Variants in CADPS2 observed in about 807,000 individuals in gnomAD.
The protein encoded by CADPS2 is calcium dependent secretion activator 2.
Under a neutral mutation model 172.5 loss-of-function variants are expected in CADPS2, and 93 were observed. That is an observed-to-expected ratio of 0.54 (90% CI 0.46 to 0.64). The LOEUF is 0.64. CADPS2 is among the 30% of genes least tolerant of loss of function. The probability of loss-of-function intolerance (pLI) is 0.00; values close to 1 mark genes in which losing one functional copy is unlikely to be tolerated. For synonymous variants in CADPS2, 546 were observed against 555.2 expected (o/e 0.98, Z 0.23); for missense variants, 1,420 against 1,565.9 (o/e 0.91, Z 1.57).
chr7:122,542,162 G>A (rs2063165393), intron 8 of CADPS2, among the ~76,000 whole-genome samples: 1 of 151,858 alleles, frequency 6.6e-6, no homozygotes, highest in South Asian at 2.1e-4. Flanking sequence ...AATTTTACAG[G>A]GGAAGAAGGG....
chr7:122,334,317 C>T (rs150636247), intron 28 of CADPS2, among the ~76,000 whole-genome samples: 3 of 152,318 alleles, frequency 2.0e-5, no homozygotes, highest in Admixed American at 6.5e-5. Flanking sequence ...CTAGCATATG[C>T]TCAGGTCTAT....
chr7:122,882,934 C>T (rs1823327441), intron 1 of CADPS2, among the ~76,000 whole-genome samples: 1 of 152,098 alleles, frequency 6.6e-6, no homozygotes, highest in Admixed American at 6.6e-5. Context: ...GGAGGTGTAG[C>T]ACCTGGAAAG....
At position 122,582,324 on chromosome 7, in the gene CADPS2, A is replaced by G. The variant is rs566786661; in HGVS notation, c.1224-1034T>C. On this transcript the variant is annotated intron_variant, in intron 6 of 29. Coordinates refer to ENST00000449022, the MANE Select transcript of CADPS2 (RefSeq NM_017954.11). ...AGCAGGTATAATAAAAATTGAACAA[A>G]TAATTGTGATTGCCTTCCTCTCCTA... is the stretch of plus-strand genomic sequence containing the variant. 2.6e-5 allele frequency among the ~76,000 whole-genome samples: 4 copies of G among 152,236 alleles called. No individual in the cohort carries two copies. The South Asian group carries it at 8.3e-4, about 32-fold the overall frequency.
At chr7:122,346,339 G>C (rs954224607) in intron 27 of CADPS2, among the ~76,000 whole-genome samples, 6 of 152,176 alleles carry the variant, frequency 3.9e-5, no homozygotes, top group Non-Finnish European at 8.8e-5. Context: ...CTGTACTCCA[G>C]CCTGGGCAAC....
At position 122,438,281 on chromosome 7, in the gene CADPS2, T is replaced by C. The variant is rs1422685924; in HGVS notation, c.2476+60A>G. The stretch of plus-strand genomic sequence containing the variant: ...AAAGGAAAGGACTTCTCATAGAAAA[T>C]TCAGTTACTAGGCATTGTTGGCTCT... On this transcript the variant is annotated intron_variant, in intron 17 of 29. Transcript: ENST00000449022. 8 of 1,601,874 alleles carry C rather than the reference T, an allele frequency of 5.0e-6. No homozygotes were observed. The South Asian group carries it at 6.6e-5, about 13-fold the overall frequency.
At chr7:122,507,069 TAAC>T (rs2059663372) in intron 9 of CADPS2, among the ~76,000 whole-genome samples, 2 of 152,000 alleles carry the variant, frequency 1.3e-5, no homozygotes, top group African/African-American at 4.8e-5. Context: ...AGTAAAGAGA[TAAC>T]AACAAAAATA....
chr7:122,325,619 A>G, intron 28 of CADPS2, 38 bp from the exon 29 acceptor site: 3 of 1,342,130 alleles, frequency 2.2e-6, no homozygotes, highest in Non-Finnish European at 3.2e-6. Flanking sequence ...AGGAGAACAA[A>G]AAAAGAAAAC....
At chr7:122,727,729 ACACT>A (rs1392440663) in intron 2 of CADPS2, among the ~76,000 whole-genome samples, 1 of 151,972 alleles carries the variant, frequency 6.6e-6, no homozygotes, top group Non-Finnish European at 1.5e-5. Flanking sequence ...TTTACAGAAC[ACACT>A]CACAGGCAGC....
intron 4 of CADPS2, among the ~76,000 whole-genome samples, chr7:122,623,447 G>A (rs984964062): frequency 3.3e-5 from 5 of 152,090 alleles, no homozygotes; most frequent in Admixed American, 6.6e-5. Flanking sequence ...GCCATCCAAT[G>A]ATCATTTGGG....
intron 1 of CADPS2, among the ~76,000 whole-genome samples, chr7:122,832,497 T>C (rs552377804): frequency 3.3e-5 from 5 of 152,320 alleles, no homozygotes; most frequent in Admixed American, 2.6e-4. Context: ...TTTGGAGATA[T>C]AAGCGCATAT....
intron 1 of CADPS2, among the ~76,000 whole-genome samples, chr7:122,840,397 T>G (rs1439279049): frequency 6.6e-6 from 1 of 151,818 alleles, no homozygotes; most frequent in Non-Finnish European, 1.5e-5. Context: ...CCTGCACGTT[T>G]TGCACATGTA....
intron 8 of CADPS2, among the ~76,000 whole-genome samples, chr7:122,548,951 A>C (rs1345733273): frequency 6.6e-6 from 1 of 152,236 alleles, no homozygotes; most frequent in Non-Finnish European, 1.5e-5. Context: ...ATAAAAATGT[A>C]AATTAAAGTC....
intron 1 of CADPS2, among the ~76,000 whole-genome samples, chr7:122,758,128 A>C (rs1348446329): frequency 2.0e-5 from 3 of 152,196 alleles, no homozygotes; most frequent in Admixed American, 1.3e-4. Context: ...TTTAGATACT[A>C]TCTTGATAAA....
chr7:122,639,510 A>C (rs1009751677), intron 3 of CADPS2, among the ~76,000 whole-genome samples: 12 of 152,270 alleles, frequency 7.9e-5, no homozygotes, highest in Middle Eastern at 3.4e-3. Context: ...ACATTTCCTC[A>C]GTTTTATGTG....
intron 14 of CADPS2, among the ~76,000 whole-genome samples, chr7:122,453,597 G>C (rs954578851): frequency 2.6e-5 from 4 of 152,140 alleles, no homozygotes; most frequent in African/African-American, 9.7e-5. Flanking sequence ...TTGATAAAAA[G>C]AGCAAATAAC....
chr7:122,781,738 G>A (rs1792789831), intron 1 of CADPS2, among the ~76,000 whole-genome samples: 1 of 151,994 alleles, frequency 6.6e-6, no homozygotes, highest in African/African-American at 2.4e-5. Flanking sequence ...TATATTGATT[G>A]TAATGAATTT....
chr7:122,708,518 GAGATATATATATATAT>G (rs2088016407), intron 2 of CADPS2, among the ~76,000 whole-genome samples: 2 of 84,050 alleles, frequency 2.4e-5, no homozygotes, highest in East Asian at 3.4e-4. Flanking sequence ...TATTGTATTC[GAGATATATATATATAT>G]ATATATATAT....
intron 25 of CADPS2, among the ~76,000 whole-genome samples, chr7:122,372,254 G>A (rs1386847470): frequency 6.6e-6 from 1 of 152,164 alleles, no homozygotes; most frequent in Admixed American, 6.5e-5. Context: ...CACATACAGA[G>A]CTGGGAATCA....
chr7:122,635,061 T>C (rs1198897633), intron 3 of CADPS2, among the ~76,000 whole-genome samples: 1 of 152,202 alleles, frequency 6.6e-6, no homozygotes, highest in African/African-American at 2.4e-5. Flanking sequence ...ACTTGTGTTA[T>C]CACCAAGCAT....
Sources: gnomAD v4.1 joint callset for allele counts (sites outside exome capture counted in the v4.1 genomes callset) on GRCh38, gnomAD v4.1.1 for gene constraint, MANE v1.5 for transcripts, NCBI Gene and HGNC (gene_info 2026-07-23, HGNC 2026-07-21) for gene names.